The following IGF1R variants were observed in gnomAD, a reference collection of about 807,000 sequenced individuals.
IGF1R encodes the protein insulin like growth factor 1 receptor, also known as insulin-like growth factor 1 receptor.
IGF1R carries 44 observed loss-of-function variants against 144.6 expected under a neutral mutation model. The ratio of observed to expected loss-of-function variants is 0.30; its 90% CI spans 0.24 to 0.39. The LOEUF (loss-of-function observed/expected upper bound fraction) is 0.39, where lower values mean the gene tolerates loss of function less well. IGF1R is among the 10% of genes least tolerant of loss of function. The probability of loss-of-function intolerance (pLI) is 1.00; values close to 1 mark genes in which losing one functional copy is unlikely to be tolerated. For missense variants in IGF1R, 1,355 were observed against 1,833.7 expected, an observed-to-expected ratio of 0.74 and a Z score of 4.77; for synonymous variants, 795 against 722.8, an observed-to-expected ratio of 1.10 and a Z score of -1.60.
At chr15:98,931,923 A>G (rs2015958470) in intron 15 of IGF1R, among the ~76,000 whole-genome samples, 1 of 152,218 alleles carries the variant, frequency 6.6e-6, no homozygotes, top group Non-Finnish European at 1.5e-5. Context: ...TCAGTAAGGA[A>G]GGGAGTCATC....
intron 2 of IGF1R, among the ~76,000 whole-genome samples, chr15:98,825,792 A>G: frequency 6.6e-6 from 1 of 152,234 alleles, no homozygotes; most frequent in East Asian, 1.9e-4. Context: ...ACAAGGAGAA[A>G]AGTCCATACA....
At chr15:98,805,449 C>T (rs531279545) in intron 2 of IGF1R, among the ~76,000 whole-genome samples, 2 of 152,164 alleles carry the variant, frequency 1.3e-5, no homozygotes, top group South Asian at 2.1e-4. Flanking sequence ...TGGCATGCTG[C>T]GTTTTAATGT....
chr15:98,698,011 A>G (rs2053636236), intron 1 of IGF1R, among the ~76,000 whole-genome samples: 2 of 146,042 alleles, frequency 1.4e-5, no homozygotes, highest in African/African-American at 2.5e-5. Context: ...CTGAGATTAC[A>G]GGCGTGAGCC....
intron 1 of IGF1R, among the ~76,000 whole-genome samples, chr15:98,660,015 T>C (rs2141174867): frequency 6.6e-6 from 1 of 152,374 alleles, no homozygotes; most frequent in South Asian, 2.1e-4. Context: ...ATTGATATTT[T>C]CAGAATCTTT....
intron 15 of IGF1R, among the ~76,000 whole-genome samples, 156 bp from the exon 16 acceptor site, chr15:98,934,668 G>A (rs1208803444): frequency 6.6e-6 from 1 of 152,086 alleles, no homozygotes; most frequent in Admixed American, 6.5e-5. Flanking sequence ...TCTATAGCAT[G>A]TGGAAAGTTG....
intron 1 of IGF1R, among the ~76,000 whole-genome samples, chr15:98,664,621 G>A (rs1596155322): frequency 2.0e-5 from 3 of 150,544 alleles, no homozygotes; most frequent in South Asian, 4.2e-4. Flanking sequence ...GGAGGTTGGA[G>A]GTTGGAGGTT....
At chr15:98,925,374 G>C (rs905055858) in intron 13 of IGF1R, among the ~76,000 whole-genome samples, 10 of 152,186 alleles carry the variant, frequency 6.6e-5, no homozygotes, top group African/African-American at 2.2e-4. Flanking sequence ...CCACATACTT[G>C]TTGTTTGACC....
At chr15:98,877,513 T>TTTTTTCC (rs773470156) in intron 2 of IGF1R, among the ~76,000 whole-genome samples, 2 of 111,402 alleles carry the variant, frequency 1.8e-5, no homozygotes, top group African/African-American at 3.6e-5. Flanking sequence ...TTTTTTTTTT[T>TTTTTTCC]CCCCAAAAAA....
chr15:98,759,727 A>C (rs1375842750), intron 2 of IGF1R, among the ~76,000 whole-genome samples: 1 of 152,164 alleles, frequency 6.6e-6, no homozygotes, highest in Admixed American at 6.5e-5. Flanking sequence ...AGGCATTTTT[A>C]GTTCATGGGG....
rs571101207 is a variant in IGF1R, at chr15:98,961,839, C to T, written c.*4397C>T. The T allele has an allele frequency of 9.4e-5, 22 of 233,310 alleles. No homozygotes were observed. The highest frequency in any genetic ancestry group is 5.4e-4 in the South Asian group (3 of 5,528). 14.5% of individuals were successfully genotyped at this position (233,310 alleles called of 1,614,324 possible). ...TCCTTGGAAGATGGAAGACCGTGTT[C>T]GTGGCCGACCTGGCCTCTCCTGGCC... On this transcript the variant is annotated 3_prime_UTR_variant, in exon 21 of 21. Transcript: ENST00000650285.
chr15:98,930,608 A>G (rs937925188), intron 15 of IGF1R, among the ~76,000 whole-genome samples: 1 of 152,230 alleles, frequency 6.6e-6, no homozygotes, highest in African/African-American at 2.4e-5. Flanking sequence ...TTATGCTAGA[A>G]TGAAAACAGC....
intron 5 of IGF1R, among the ~76,000 whole-genome samples, chr15:98,905,702 T>G (rs1289584934): frequency 6.6e-6 from 1 of 151,956 alleles, no homozygotes; most frequent in Non-Finnish European, 1.5e-5. Context: ...TTTAAAAGCA[T>G]TCTTTGAATG....
chr15:98,791,021 C>T (rs1485518468), intron 2 of IGF1R, among the ~76,000 whole-genome samples: 1 of 152,194 alleles, frequency 6.6e-6, no homozygotes, highest in African/African-American at 2.4e-5. Flanking sequence ...GTTCCTAAGC[C>T]TTCATTAGAT....
intron 2 of IGF1R, among the ~76,000 whole-genome samples, chr15:98,743,433 G>A (rs2141319536): frequency 6.6e-6 from 1 of 152,224 alleles, no homozygotes; most frequent in South Asian, 2.1e-4. Flanking sequence ...TGTGTAGAGT[G>A]GCATCTCTAT....
At chr15:98,942,782 C>T in intron 18 of IGF1R, 141 bp from the exon 19 acceptor site, 1 of 1,029,266 alleles carries the variant, frequency 9.7e-7, no homozygotes, top group South Asian at 1.4e-5. Context: ...ATTGCAAACC[C>T]TAATATTTGG....
intron 2 of IGF1R, among the ~76,000 whole-genome samples, chr15:98,834,271 A>C (rs2057054664): frequency 6.6e-6 from 1 of 152,188 alleles, no homozygotes; most frequent in South Asian, 2.1e-4. Context: ...GCATCAGTGG[A>C]GCCTCAGCAA....
intron 20 of IGF1R, among the ~76,000 whole-genome samples, chr15:98,954,630 C>CCTGTGGCACCT (rs2016907741): frequency 6.6e-6 from 1 of 152,098 alleles, no homozygotes; most frequent in Admixed American, 6.5e-5. Context: ...TCGCTGCTCT[C>CCTGTGGCACCT]CTGTGGCACC....
chr15:98,685,815 A>G (rs930161150), intron 1 of IGF1R, among the ~76,000 whole-genome samples: 1 of 152,230 alleles, frequency 6.6e-6, no homozygotes, highest in East Asian at 1.9e-4. Context: ...TTGGAGCCGC[A>G]GCCTCCTTGG....
rs1302542033 is a variant in IGF1R at position 98,850,311 on chromosome 15, C to T, written c.641-41014C>T. Among the ~76,000 whole-genome samples the T allele has an allele frequency of 3.9e-5, 6 of 152,218 alleles. No individual in the cohort carries two copies. The East Asian group carries it at 5.8e-4, about 15-fold the overall frequency. On this transcript the variant is annotated intron_variant, in intron 2 of 20. Transcript: ENST00000650285. ...TGAGAAGGAGCCAGCCACTCACAGA[C>T]ACAGAGGAGGCCTTCAGGCTGAGAG...
Sources: gnomAD v4.1 joint callset for allele counts (sites outside exome capture counted in the v4.1 genomes callset) on GRCh38, gnomAD v4.1.1 for gene constraint, MANE v1.5 for transcripts, NCBI Gene and HGNC (gene_info 2026-07-23, HGNC 2026-07-21) for gene names.